Variants in PXT1 observed in about 807,000 individuals in gnomAD.
The protein encoded by PXT1 is peroxisomal testis enriched protein 1.
A neutral mutation model predicts 11.0 loss-of-function variants in PXT1; 11 were observed. That is an observed-to-expected ratio of 1.00 (90% CI 0.63 to 1.66). The LOEUF is 1.66. PXT1 is among the 40% of genes most tolerant of loss of function. The pLI, the probability that PXT1 is intolerant of heterozygous loss-of-function variation, is 0.00. For missense variants in PXT1, 141 were observed against 155.5 expected, an observed-to-expected ratio of 0.91 and a Z score of 0.49; for synonymous variants, 43 against 51.4, an observed-to-expected ratio of 0.84 and a Z score of 0.70.
rs760779793 is a variant in PXT1 at position 36,391,758 on chromosome 6, T to C, written c.*12A>G. The C allele has an allele frequency of 6.3e-6, 10 of 1,580,718 alleles. No homozygotes were observed. In the South Asian group the frequency reaches 7.8e-5, roughly 12 times the overall value. ...GAAAACAGAACTTGACCACTTGACC[T>C]TTACTTTCCTTTTACAGCAAATGGT... On this transcript the variant is annotated 3_prime_UTR_variant, in exon 5 of 5. Transcript: ENST00000454782.
intron 3 of PXT1, among the ~76,000 whole-genome samples, chr6:36,423,440 A>C (rs1774553165): frequency 6.6e-6 from 1 of 152,130 alleles, no homozygotes; most frequent in Non-Finnish European, 1.5e-5. Flanking sequence ...TAGGCGATAG[A>C]GGTCACGTGG....
At chr6:36,423,906 G>A (rs569243726) in intron 3 of PXT1, among the ~76,000 whole-genome samples, 1 of 152,202 alleles carries the variant, frequency 6.6e-6, no homozygotes, top group East Asian at 1.9e-4. Context: ...GGTAAAACGG[G>A]AGTTCTAGGC....
intron 4 of PXT1, among the ~76,000 whole-genome samples, chr6:36,397,351 C>T (rs1395643215): frequency 3.3e-5 from 5 of 152,100 alleles, no homozygotes; most frequent in South Asian, 2.1e-4. Flanking sequence ...TGAGGTGGGA[C>T]GATCTCTGGA....
intron 2 of PXT1, among the ~76,000 whole-genome samples, chr6:36,429,126 A>G (rs1744654): frequency 0.43 from 62,543 of 146,338 alleles, 14,794 homozygotes; most frequent in African/African-American, 0.61. Context: ...AAATTAGCCT[A>G]GTGGTTGCGC....
rs534126582 is a variant in PXT1, at chr6:36,394,563, G to T, written c.301-2689C>A. ...AGTACCTAGACCCGGTGACAACTCT[G>T]TTGGGGCATAGAGACAGGGGCGTAG... On this transcript the variant is annotated intron_variant, in intron 4 of 4. Transcript: ENST00000454782. 9.9e-4 allele frequency among the ~76,000 whole-genome samples: 150 copies of T among 152,212 alleles called. 1 individual carries two copies. Among genetic ancestry groups the T allele is most frequent in the African/African-American group, 3.3e-3 (139 of 41,534 alleles).
chr6:36,410,688 G>A (rs544330920), intron 3 of PXT1, among the ~76,000 whole-genome samples: 3 of 152,374 alleles, frequency 2.0e-5, no homozygotes, highest in Non-Finnish European at 1.5e-5. Context: ...ACCCTGTGGT[G>A]AAAGCAGAAG....
intron 3 of PXT1, among the ~76,000 whole-genome samples, chr6:36,408,940 T>C (rs1229445964): frequency 6.6e-6 from 1 of 152,090 alleles, no homozygotes. Context: ...TAAAAAATAC[T>C]ATTGTACTTT....
intron 3 of PXT1, 114 bp downstream of exon 3, chr6:36,425,800 C>CAAAAACAAACAAAAAA (rs1433662209): frequency 3.0e-4 from 66 of 216,688 alleles, no homozygotes; most frequent in African/African-American, 2.1e-3. Flanking sequence ...AAAACAAAAA[C>CAAAAACAAACAAAAAA]AAAAAATATA....
At chr6:36,420,578 C>T (rs972318940) in intron 3 of PXT1, among the ~76,000 whole-genome samples, 3 of 152,076 alleles carry the variant, frequency 2.0e-5, no homozygotes, top group African/African-American at 7.2e-5. Flanking sequence ...GAGAACTGAG[C>T]AGATGGGGGA....
intron 3 of PXT1, among the ~76,000 whole-genome samples, chr6:36,408,507 CG>C (rs1774321380): frequency 6.6e-6 from 1 of 151,704 alleles, no homozygotes; most frequent in Non-Finnish European, 1.5e-5. Flanking sequence ...GATCCTCCCT[CG>C]TTAGCCTCTC....
At chr6:36,428,840 G>C (rs1233816372) in intron 2 of PXT1, among the ~76,000 whole-genome samples, 1 of 151,840 alleles carries the variant, frequency 6.6e-6, no homozygotes, top group Non-Finnish European at 1.5e-5. Flanking sequence ...ATTTTTAGTA[G>C]AGACGGGGTT....
chr6:36,390,647 T>C lies in PXT1; in HGVS notation c.*1123A>G, dbSNP rs1339804014. On this transcript the variant is annotated 3_prime_UTR_variant, in exon 5 of 5. Transcript: ENST00000454782. ...GAACTCAAGATACATATGTAAACTT[T>C]TAATTTATAACAACAAGCTTTCCTA... is the stretch of plus-strand genomic sequence containing the variant. The C allele has an allele frequency of 6.6e-6, 1 of 152,218 alleles. No individual in the cohort carries two copies. Among genetic ancestry groups the C allele is most frequent in the African/African-American group, 2.4e-5 (1 of 41,456 alleles). 9.4% of individuals were successfully genotyped at this position (152,218 alleles called of 1,614,324 possible). A position where few individuals can be genotyped will look rare whatever the true frequency, so the allele number is the denominator to read the frequency against.
At chr6:36,429,231 A>T (rs1034359820) in intron 2 of PXT1, among the ~76,000 whole-genome samples, 3 of 6,368 alleles carry the variant, frequency 4.7e-4, no homozygotes, top group Non-Finnish European at 1.3e-3. Context: ...ACACCACTGC[A>T]TTCCAGCCTG....
chr6:36,409,898 G>GAA (rs1774342634), intron 3 of PXT1, among the ~76,000 whole-genome samples: 1 of 146,114 alleles, frequency 6.8e-6, no homozygotes, highest in African/African-American at 2.5e-5. Context: ...AGGAAGGAAA[G>GAA]AAGGAAGGAA....
At chr6:36,421,048 C>T (rs1339476861) in intron 3 of PXT1, among the ~76,000 whole-genome samples, 6 of 148,522 alleles carry the variant, frequency 4.0e-5, no homozygotes, top group African/African-American at 1.5e-4. Flanking sequence ...GATAGAGACT[C>T]CGTCTCAAAA....
intron 4 of PXT1, among the ~76,000 whole-genome samples, chr6:36,398,959 C>T (rs916011691): frequency 6.6e-6 from 1 of 152,106 alleles, no homozygotes; most frequent in Non-Finnish European, 1.5e-5. Flanking sequence ...TTCTATGAGC[C>T]CTGCTGCTCA....
chr6:36,438,484 C>A (rs768841660), intron 2 of PXT1, among the ~76,000 whole-genome samples: 18 of 152,100 alleles, frequency 1.2e-4, no homozygotes, highest in Non-Finnish European at 2.2e-4. Context: ...AGTGCAGTGG[C>A]GTGATCTTAG....
At chr6:36,438,262 T>G (rs1305358112) in intron 2 of PXT1, among the ~76,000 whole-genome samples, 1 of 152,240 alleles carries the variant, frequency 6.6e-6, no homozygotes, top group Non-Finnish European at 1.5e-5. Context: ...AATGTAGATT[T>G]GGGAATAATC....
chr6:36,398,076 A>G (rs1299295139), intron 4 of PXT1, among the ~76,000 whole-genome samples: 4 of 152,194 alleles, frequency 2.6e-5, no homozygotes, highest in Non-Finnish European at 5.9e-5. Flanking sequence ...GGACAAGGAT[A>G]TGAATAGACA....
Sources: gnomAD v4.1 joint callset for allele counts (sites outside exome capture counted in the v4.1 genomes callset) on GRCh38, gnomAD v4.1.1 for gene constraint, MANE v1.5 for transcripts, NCBI Gene and HGNC (gene_info 2026-07-23, HGNC 2026-07-21) for gene names.